The following GAS2L3 variants were observed in gnomAD, a reference collection of about 807,000 sequenced individuals.
GAS2L3 encodes the protein growth arrest specific 2 like 3, also known as GAS2-like protein 3.
GAS2L3 carries 28 observed loss-of-function variants against 37.0 expected under a neutral mutation model. The observed-to-expected ratio is 0.76, with a 90% CI of 0.56 to 1.04. The LOEUF is 1.04. Ranked by LOEUF, GAS2L3 falls within the 50% of genes least tolerant of loss-of-function variation. GAS2L3 has a pLI of 0.00. For missense variants in GAS2L3, 793 were observed against 817.6 expected, an observed-to-expected ratio of 0.97 and a Z score of 0.37; for synonymous variants, 290 against 296.6, an observed-to-expected ratio of 0.98 and a Z score of 0.23.
chr12:100,615,731 AT>A (rs1839994509), intron 6 of GAS2L3, among the ~76,000 whole-genome samples: 1 of 152,154 alleles, frequency 6.6e-6, no homozygotes, highest in Admixed American at 6.6e-5. Context: ...TGCCAACACC[AT>A]TTGTTGAAAA....
intron 2 of GAS2L3, 88 bp from the exon 3 acceptor site, chr12:100,594,787 A>G: frequency 2.3e-6 from 1 of 430,584 alleles, no homozygotes; most frequent in Middle Eastern, 3.4e-4. Flanking sequence ...TCGAGTAAAC[A>G]CATTCCTAAA....
intron 1 of GAS2L3, among the ~76,000 whole-genome samples, 189 bp from the exon 2 acceptor site, chr12:100,591,547 A>T (rs1483759702): frequency 6.6e-6 from 1 of 152,164 alleles, no homozygotes; most frequent in African/African-American, 2.4e-5. Flanking sequence ...ATATCTGAGT[A>T]TTACTAGCTT....
chr12:100,598,323 C>T (rs1045537890), intron 3 of GAS2L3, among the ~76,000 whole-genome samples: 5 of 152,060 alleles, frequency 3.3e-5, no homozygotes, highest in South Asian at 2.1e-4. Context: ...CTTTAATTAC[C>T]TTGATACTTT....
rs1240778340 is a variant in GAS2L3 at position 100,624,406 on chromosome 12, G to A, written c.1601G>A (p.Gly534Glu). 3.7e-6 allele frequency: 6 copies of A among 1,613,892 alleles called. No individual in the cohort carries two copies. Among genetic ancestry groups the A allele is most frequent in the Admixed American group, 1.7e-5 (1 of 59,972 alleles). The part of the protein sequence containing the change: ...TSSKTIATGL[G>E]TQSQPSDGAP... ...TCCAAAACCATAGCCACGGGTCTAGGAACACAGTCTCAACCATCCGATGGA... is the reference window on the plus strand; with the variant it reads ...TCCAAAACCATAGCCACGGGTCTAGAAACACAGTCTCAACCATCCGATGGA... Residue 534 changes from glycine (G) to glutamate (E), a missense_variant, in exon 10 of 10, where the codon GGA becomes GAA. Physicochemically the swap from Gly to Glu is moderately conservative, Grantham distance 98. Coordinates refer to ENST00000547754, the MANE Select transcript of GAS2L3 (RefSeq NM_174942.3).
In GAS2L3 at chr12:100,624,454, C is replaced by T. The variant is rs1335966215; in HGVS notation, c.1649C>T (p.Pro550Leu). 1 of 1,614,050 alleles carries T rather than the reference C, an allele frequency of 6.2e-7. No individual in the cohort carries two copies. Among genetic ancestry groups the T allele is most frequent in the Non-Finnish European group, 8.5e-7 (1 of 1,180,016 alleles). The change falls in exon 10 of 10, where the codon CCA becomes CTA. Residue 550 changes from proline to leucine, a missense_variant. Transcript: ENST00000547754. ...GGAGCCCCACAAGCAAAGCCAGTCC[C>T]AGCACAGAAACTTAAATCGGCCTTG... ...SDGAPQAKPV[P>L]AQKLKSALNL...
chr12:100,613,728 G>A (rs1414740829), intron 6 of GAS2L3, among the ~76,000 whole-genome samples: 1 of 151,942 alleles, frequency 6.6e-6, no homozygotes, highest in Non-Finnish European at 1.5e-5. Flanking sequence ...CAGAGTAGCT[G>A]GGACTACAGG....
intron 3 of GAS2L3, among the ~76,000 whole-genome samples, chr12:100,596,324 A>G (rs566893652): frequency 6.6e-6 from 1 of 152,124 alleles, no homozygotes; most frequent in East Asian, 1.9e-4. Flanking sequence ...TTCCTTATAG[A>G]GTGTTTTCTA....
chr12:100,591,788 T>C lies in GAS2L3; in HGVS notation c.-99T>C, dbSNP rs1003925446. 1 of 152,168 alleles carries C rather than the reference T, an allele frequency of 6.6e-6. No individual in the cohort carries two copies. Among genetic ancestry groups the C allele is most frequent in the African/African-American group, 2.4e-5 (1 of 41,444 alleles). The allele number at this position is 152,168 out of a possible 1,614,324, so 9.4% of individuals were successfully genotyped here. On this transcript the variant is annotated 5_prime_UTR_variant, in exon 2 of 10. Transcript: ENST00000547754. ...AACTACTCCAAAGTCATATAGCCAG[T>C]ATTTTCTGGAGCTGTAATTCAAATC... is the stretch of plus-strand genomic sequence containing the variant.
Position 100,627,088 on chromosome 12 carries a change from CAA to C in GAS2L3, c.*2212_*2213del, listed in dbSNP as rs566899740. Among the ~76,000 whole-genome samples, 32 of 81,552 alleles carry C rather than the reference CAA, an allele frequency of 3.9e-4. No homozygotes were observed. The highest frequency in any genetic ancestry group is 9.2e-4 in the Admixed American group (7 of 7,632). 53.5% of individuals were successfully genotyped at this position (81,552 alleles called of 152,430 possible). On this transcript the variant is annotated 3_prime_UTR_variant, in exon 10 of 10. Transcript: ENST00000547754. ...TGGGCAACAGAGTGAGACTCTGTCT[CAA>C]AAAAAAAAAAAAAGAAAAAGAAAAG...
chr12:100,620,992 T>C (rs1028285867), intron 8 of GAS2L3, among the ~76,000 whole-genome samples: 2 of 152,098 alleles, frequency 1.3e-5, no homozygotes, highest in African/African-American at 2.4e-5. Flanking sequence ...TCAGTTCTAT[T>C]TGTTTATACG....
At chr12:100,617,464 A>T (rs1214597364) in intron 6 of GAS2L3, among the ~76,000 whole-genome samples, 1 of 152,206 alleles carries the variant, frequency 6.6e-6, no homozygotes, top group Non-Finnish European at 1.5e-5. Context: ...GATCTGAAAC[A>T]TAAGCAATGT....
intron 5 of GAS2L3, among the ~76,000 whole-genome samples, chr12:100,604,474 G>GTTTTTTTTTTTTTTTTTTTTTTTGTTT: frequency 7.7e-6 from 1 of 129,304 alleles, no homozygotes; most frequent in Non-Finnish European, 1.6e-5. Flanking sequence ...AGCTGTAGTT[G>GTTTTTTTTTTTTTTTTTTTTTTTGTTT]TTTTTTTTTT....
chr12:100,592,469 T>G (rs1226609802), intron 2 of GAS2L3: 1 of 152,148 alleles, frequency 6.6e-6, no homozygotes, highest in Non-Finnish European at 1.5e-5. Flanking sequence ...AGATCCTGTA[T>G]TTTTGGGACG....
intron 1 of GAS2L3, chr12:100,579,820 A>G (rs1480057043): frequency 1.4e-6 from 1 of 728,778 alleles, no homozygotes; most frequent in East Asian, 2.4e-5. Flanking sequence ...GAGGGATTGG[A>G]AAAAGCTATT....
intron 1 of GAS2L3, among the ~76,000 whole-genome samples, chr12:100,574,845 C>T (rs927942528): frequency 6.6e-6 from 1 of 152,220 alleles, no homozygotes; most frequent in African/African-American, 2.4e-5. Context: ...TTTCAAATGA[C>T]AGAAGTGGAA....
intron 1 of GAS2L3, among the ~76,000 whole-genome samples, chr12:100,584,883 G>GTTTTTT: frequency 1.3e-5 from 1 of 78,202 alleles, no homozygotes; most frequent in Non-Finnish European, 2.3e-5. Context: ...TACTTGAATG[G>GTTTTTT]TTTTTTTTTT....
At chr12:100,584,777 T>C (rs769761600) in intron 1 of GAS2L3, among the ~76,000 whole-genome samples, 10 of 152,062 alleles carry the variant, frequency 6.6e-5, no homozygotes, top group Non-Finnish European at 1.0e-4. Flanking sequence ...TTCATCATGT[T>C]GGCCAGGATG....
intron 8 of GAS2L3, among the ~76,000 whole-genome samples, chr12:100,619,375 G>A (rs900346301): frequency 1.2e-4 from 18 of 151,994 alleles, no homozygotes; most frequent in Non-Finnish European, 2.4e-4. Context: ...GGTGAACTGA[G>A]CATGAACATT....
intron 5 of GAS2L3, among the ~76,000 whole-genome samples, chr12:100,608,688 A>T (rs1275422468): frequency 6.6e-6 from 1 of 151,666 alleles, no homozygotes; most frequent in Non-Finnish European, 1.5e-5. Flanking sequence ...TGCCCAGCTG[A>T]TTTTTTTTGT....
Sources: allele counts gnomAD v4.1 joint callset (sites outside exome capture counted in the v4.1 genomes callset), GRCh38; gene constraint gnomAD v4.1.1; transcripts MANE v1.5; gene names NCBI Gene and HGNC (gene_info 2026-07-23, HGNC 2026-07-21).